KCNK2: variants seen among roughly 807,000 people sequenced by gnomAD.
The protein encoded by KCNK2 is potassium channel subfamily K member 2.
In KCNK2, 21 loss-of-function variants were observed where a neutral mutation model predicts 40.5. The ratio of observed to expected loss-of-function variants is 0.52; its 90% CI spans 0.37 to 0.75. The LOEUF is 0.75. KCNK2 is among the 30% of genes least tolerant of loss of function. The pLI is 0.00. For missense variants in KCNK2, 399 were observed against 531.6 expected (o/e 0.75, Z 2.45); for synonymous variants, 191 against 202.2 (o/e 0.94, Z 0.47).
intron 3 of KCNK2, among the ~76,000 whole-genome samples, chr1:215,162,604 G>T (rs1015092759): frequency 6.6e-6 from 1 of 152,202 alleles, no homozygotes; most frequent in Admixed American, 6.5e-5. Flanking sequence ...TGTATAAGGT[G>T]TAAAGAAGGG....
At chr1:215,206,954 A>C (rs1665337887) in intron 6 of KCNK2, among the ~76,000 whole-genome samples, 1 of 152,196 alleles carries the variant, frequency 6.6e-6, no homozygotes, top group African/African-American at 2.4e-5. Flanking sequence ...CTATCTTCTT[A>C]AAGAATTTCC....
At chr1:215,129,667 A>T (rs1661581169) in intron 3 of KCNK2, among the ~76,000 whole-genome samples, 1 of 152,174 alleles carries the variant, frequency 6.6e-6, no homozygotes, top group African/African-American at 2.4e-5. Flanking sequence ...TTCAAAGAAT[A>T]CAGATGAGGC....
chr1:215,055,528 T>G (rs1051839753), intron 1 of KCNK2, among the ~76,000 whole-genome samples: 1 of 152,248 alleles, frequency 6.6e-6, no homozygotes, highest in Admixed American at 6.5e-5. Flanking sequence ...TAGTTACTGG[T>G]TGAAGAGCTT....
chr1:215,041,695 A>G (rs1657569205), intron 1 of KCNK2, among the ~76,000 whole-genome samples: 1 of 152,198 alleles, frequency 6.6e-6, no homozygotes, highest in South Asian at 2.1e-4. Flanking sequence ...CAAAATTAAG[A>G]CTTCATTTCT....
chr1:215,175,527 G>A (rs60462239), intron 5 of KCNK2, among the ~76,000 whole-genome samples: 21,297 of 151,662 alleles, frequency 0.14, 3,188 homozygotes, highest in African/African-American at 0.38. Flanking sequence ...ATATGGTGGT[G>A]TATGTGCAGG....
intron 6 of KCNK2, among the ~76,000 whole-genome samples, chr1:215,229,207 C>CTTTTTTTT (rs201225142): frequency 1.5e-5 from 2 of 129,910 alleles, no homozygotes; most frequent in African/African-American, 2.8e-5. Context: ...GATTGTTTTT[C>CTTTTTTTT]TTTTTTTTTT....
At chr1:215,070,351 G>T (rs1271593209) in intron 1 of KCNK2, among the ~76,000 whole-genome samples, 2 of 150,374 alleles carry the variant, frequency 1.3e-5, no homozygotes, top group African/African-American at 4.9e-5. Flanking sequence ...GGGAGGCGGA[G>T]CTTGCAGTGA....
intron 6 of KCNK2, among the ~76,000 whole-genome samples, chr1:215,220,163 A>G (rs1666113646): frequency 6.6e-6 from 1 of 152,202 alleles, no homozygotes; most frequent in African/African-American, 2.4e-5. Context: ...TTATATCTAT[A>G]TATTTTGAGA....
At chr1:215,119,909 A>C (rs532414737) in intron 2 of KCNK2, among the ~76,000 whole-genome samples, 2 of 152,336 alleles carry the variant, frequency 1.3e-5, no homozygotes, top group South Asian at 4.1e-4. Flanking sequence ...TTGAAATTTC[A>C]GAGATTCTTA....
intron 1 of KCNK2, among the ~76,000 whole-genome samples, chr1:215,034,086 A>G (rs1657298966): frequency 6.6e-6 from 1 of 152,094 alleles, no homozygotes; most frequent in African/African-American, 2.4e-5. Flanking sequence ...TCTCCAATTT[A>G]GGGGGAATTG....
intron 3 of KCNK2, among the ~76,000 whole-genome samples, chr1:215,146,427 A>C (rs1041716634): frequency 2.0e-5 from 3 of 152,174 alleles, no homozygotes; most frequent in Non-Finnish European, 1.5e-5. Context: ...TGCAACTAAA[A>C]ATAGCAAGGG....
chr1:215,133,150 A>G (rs1281838508), intron 3 of KCNK2, among the ~76,000 whole-genome samples: 2 of 152,240 alleles, frequency 1.3e-5, no homozygotes, highest in African/African-American at 4.8e-5. Context: ...ATAGTTGCCC[A>G]TATCTCTAGT....
chr1:215,177,446 T>C (rs929012960), intron 5 of KCNK2, among the ~76,000 whole-genome samples: 1 of 152,026 alleles, frequency 6.6e-6, no homozygotes, highest in Non-Finnish European at 1.5e-5. Context: ...ATGTCCAGAA[T>C]AGTGTTTCCT....
chr1:215,172,210 C>T, intron 5 of KCNK2, 27 bp downstream of exon 5: 3 of 1,581,162 alleles, frequency 1.9e-6, no homozygotes, highest in Middle Eastern at 3.4e-4. Context: ...ATCCATGTTA[C>T]TCTTCTAACA....
At chr1:215,160,976 C>G (rs1358605935) in intron 3 of KCNK2, among the ~76,000 whole-genome samples, 1 of 152,092 alleles carries the variant, frequency 6.6e-6, no homozygotes, top group East Asian at 1.9e-4. Context: ...TCCCCCAGAC[C>G]TGGTCATTTT....
At chr1:215,093,831 TAA>T (rs372888336) in intron 2 of KCNK2, among the ~76,000 whole-genome samples, 13 of 20,896 alleles carry the variant, frequency 6.2e-4, no homozygotes, top group Non-Finnish European at 1.7e-3. Flanking sequence ...ATATTATATA[TAA>T]AATATATTAT....
rs189133979 is a variant in KCNK2 at position 215,069,740 on chromosome 1, A to G, written c.35-16628A>G. On this transcript the variant is annotated intron_variant, in intron 1 of 6. Transcript: ENST00000391895. ...TAACAATTGGCTGGGCCTGAATTCAAATCTAGGTAGTTCACAGTCTTTATC... is the reference window on the plus strand; with the variant it reads ...TAACAATTGGCTGGGCCTGAATTCAGATCTAGGTAGTTCACAGTCTTTATC... 5.3e-4 allele frequency among the ~76,000 whole-genome samples: 80 copies of G among 152,292 alleles called. 1 individual carries two copies. Among genetic ancestry groups the G allele is most frequent in the Middle Eastern group, 3.4e-3 (1 of 294 alleles).
chr1:215,197,153 A>C (rs946110796), intron 6 of KCNK2, among the ~76,000 whole-genome samples: 17 of 152,188 alleles, frequency 1.1e-4, no homozygotes, highest in African/African-American at 3.6e-4. Flanking sequence ...ATTGGTATAG[A>C]ATATCTGCTT....
At position 215,044,826 on chromosome 1, in the gene KCNK2, T is replaced by TGC. The variant is rs59432481; in HGVS notation, c.34+38878_34+38879dup. On this transcript the variant is annotated intron_variant, in intron 1 of 6. Coordinates refer to the KCNK2 transcript ENST00000391895. The stretch of plus-strand genomic sequence containing the variant: ...GTGTGTGTGTGTGTGTGTGTGTGTG[T>TGC]GCGCGCGCACACGTGTGTTGATGAC... Among the ~76,000 whole-genome samples, 527 of 140,626 alleles carry TGC rather than the reference T, an allele frequency of 3.7e-3. 5 individuals are homozygous for TGC. The highest frequency in any genetic ancestry group is 5.2e-3 in the Non-Finnish European group (347 of 66,108). 92.3% of individuals were successfully genotyped at this position (140,626 alleles called of 152,430 possible).
Sources: gnomAD v4.1 joint callset for allele counts (sites outside exome capture counted in the v4.1 genomes callset) on GRCh38, gnomAD v4.1.1 for gene constraint, MANE v1.5 for transcripts, NCBI Gene and HGNC (gene_info 2026-07-23, HGNC 2026-07-21) for gene names.